Variants in CLYBL observed in about 807,000 individuals in gnomAD.
CLYBL encodes the protein citramalyl-CoA lyase.
CLYBL carries 31 observed loss-of-function variants against 38.9 expected under a neutral mutation model. That is an observed-to-expected ratio of 0.80 (90% CI 0.60 to 1.08). The LOEUF is 1.08. Ranked by LOEUF, CLYBL falls within the 50% of genes least tolerant of loss-of-function variation. The pLI is 0.00. For synonymous variants in CLYBL, 171 were observed against 158.6 expected (o/e 1.08, Z -0.59); for missense variants, 434 against 411.6 (o/e 1.05, Z -0.47).
intron 1 of CLYBL, among the ~76,000 whole-genome samples, chr13:99,665,569 C>G (rs976141357): frequency 6.6e-6 from 1 of 151,438 alleles, no homozygotes; most frequent in Non-Finnish European, 1.5e-5. Context: ...GAAAAGTCTC[C>G]ACATATGGTC....
intron 2 of CLYBL, among the ~76,000 whole-genome samples, chr13:99,802,027 AAAAC>A (rs1240763860): frequency 2.6e-5 from 4 of 152,224 alleles, no homozygotes; most frequent in African/African-American, 4.8e-5. Flanking sequence ...AAAAAACAAA[AAAAC>A]AAAAAAACAC....
At chr13:99,872,193 T>A in intron 7 of CLYBL, among the ~76,000 whole-genome samples, 1 of 152,094 alleles carries the variant, frequency 6.6e-6, no homozygotes, top group Non-Finnish European at 1.5e-5. Context: ...ATGGGCACAC[T>A]CACACACCAG....
At chr13:99,741,598 C>A (rs1256931357) in intron 1 of CLYBL, among the ~76,000 whole-genome samples, 1 of 152,258 alleles carries the variant, frequency 6.6e-6, no homozygotes, top group Non-Finnish European at 1.5e-5. Flanking sequence ...GCCGCCCAGA[C>A]AAGAGTGCAG....
intron 1 of CLYBL, among the ~76,000 whole-genome samples, chr13:99,711,478 C>T (rs1373563313): frequency 4.2e-5 from 6 of 143,420 alleles, no homozygotes; most frequent in African/African-American, 1.0e-4. Context: ...GGCGCAATCT[C>T]GGCACGCAAC....
At chr13:99,823,182 A>G (rs1033048502) in intron 2 of CLYBL, among the ~76,000 whole-genome samples, 3 of 152,162 alleles carry the variant, frequency 2.0e-5, no homozygotes, top group South Asian at 2.1e-4. Context: ...TGTAGTTTAC[A>G]TTACGATTCT....
At chr13:99,907,329 A>T (rs1472311169) in intron 9 of CLYBL, among the ~76,000 whole-genome samples, 1 of 152,186 alleles carries the variant, frequency 6.6e-6, no homozygotes, top group Non-Finnish European at 1.5e-5. Context: ...TTGAGCCTGA[A>T]ATGAGTTAAT....
chr13:99,751,203 A>G (rs550768435), intron 1 of CLYBL, among the ~76,000 whole-genome samples: 2 of 151,964 alleles, frequency 1.3e-5, no homozygotes, highest in South Asian at 2.1e-4. Flanking sequence ...ACGCTATAAC[A>G]TGGTTGAAGC....
chr13:99,643,346 T>C (rs1040611039), intron 1 of CLYBL, among the ~76,000 whole-genome samples: 3 of 152,206 alleles, frequency 2.0e-5, no homozygotes, highest in Non-Finnish European at 4.4e-5. Flanking sequence ...TTCAGGCTTT[T>C]CATCAGCATG....
At chr13:99,906,719 C>G (rs1287790360) in intron 9 of CLYBL, among the ~76,000 whole-genome samples, 1 of 152,170 alleles carries the variant, frequency 6.6e-6, no homozygotes, top group East Asian at 1.9e-4. Context: ...CCACCGTGCC[C>G]GGCCTTGAGT....
At chr13:99,707,331 G>A (rs1461139477) in intron 1 of CLYBL, among the ~76,000 whole-genome samples, 2 of 152,030 alleles carry the variant, frequency 1.3e-5, no homozygotes, top group African/African-American at 4.8e-5. Flanking sequence ...GTGTAGTGGT[G>A]CGATCTCGGC....
intron 1 of CLYBL, among the ~76,000 whole-genome samples, chr13:99,669,237 C>T (rs138333745): frequency 2.0e-5 from 3 of 152,194 alleles, no homozygotes; most frequent in Admixed American, 2.0e-4. Context: ...CTCTCAACCT[C>T]ATGATCTGCC....
chr13:99,635,782 A>G (rs1454424159), intron 1 of CLYBL, among the ~76,000 whole-genome samples: 1 of 152,180 alleles, frequency 6.6e-6, no homozygotes, highest in Non-Finnish European at 1.5e-5. Flanking sequence ...TGGCTGTATG[A>G]GCTCAGGCAA....
At chr13:99,624,686 C>T (rs1274922000) in intron 1 of CLYBL, among the ~76,000 whole-genome samples, 1 of 152,138 alleles carries the variant, frequency 6.6e-6, no homozygotes, top group Non-Finnish European at 1.5e-5. Context: ...CTGAGATATC[C>T]CCGGGAGAGC....
intron 1 of CLYBL, among the ~76,000 whole-genome samples, chr13:99,685,389 C>T (rs1386184565): frequency 6.6e-6 from 1 of 152,124 alleles, no homozygotes; most frequent in Non-Finnish European, 1.5e-5. Flanking sequence ...GCCAATGTTT[C>T]AACATATTTA....
intron 2 of CLYBL, among the ~76,000 whole-genome samples, chr13:99,842,418 T>C (rs1357406378): frequency 6.6e-6 from 1 of 152,224 alleles, no homozygotes; most frequent in African/African-American, 2.4e-5. Flanking sequence ...TTTTGGGTAG[T>C]GTGTCCTGAA....
At chr13:99,843,594 A>G (rs1348827698) in intron 2 of CLYBL, among the ~76,000 whole-genome samples, 1 of 137,516 alleles carries the variant, frequency 7.3e-6, no homozygotes, top group East Asian at 2.2e-4. Flanking sequence ...ACAGCTGGGG[A>G]AAAATTAATC....
intron 7 of CLYBL, among the ~76,000 whole-genome samples, chr13:99,880,050 G>GTATATATATATA (rs4001018): frequency 5.2e-4 from 51 of 97,586 alleles, no homozygotes; most frequent in Non-Finnish European, 8.4e-4. Context: ...ATGTGTGTAT[G>GTATATATATATA]TATATATATA....
chr13:99,742,069 A>G (rs2048766873), intron 1 of CLYBL, among the ~76,000 whole-genome samples: 1 of 152,192 alleles, frequency 6.6e-6, no homozygotes, highest in Non-Finnish European at 1.5e-5. Context: ...GTTCACTTGC[A>G]ATGAGACCCT....
rs556614052 is a variant in CLYBL, at chr13:99,769,934, G to A, written c.63-2890G>A. ...TGGTGAAATGTTACAACCGTGCAAA[G>A]TATTTGATAGTGTTAACTACTGATG... On this transcript the variant is annotated intron_variant, in intron 1 of 8. Transcript: ENST00000339105. Among the ~76,000 whole-genome samples the A allele has an allele frequency of 3.9e-5, 6 of 152,268 alleles. No individual in the cohort carries two copies. In the South Asian group the frequency reaches 1.2e-3, roughly 32 times the overall value.
Sources: gnomAD v4.1 joint callset for allele counts (sites outside exome capture counted in the v4.1 genomes callset) on GRCh38, gnomAD v4.1.1 for gene constraint, MANE v1.5 for transcripts, NCBI Gene and HGNC (gene_info 2026-07-23, HGNC 2026-07-21) for gene names.